ERAP1: variants seen among roughly 807,000 people sequenced by gnomAD.
ERAP1 encodes adipocyte-derived leucine aminopeptidase.
ERAP1 carries 86 observed loss-of-function variants against 103.7 expected under a neutral mutation model. The observed-to-expected ratio is 0.83, with a 90% CI of 0.70 to 0.99. The LOEUF (loss-of-function observed/expected upper bound fraction) is 0.99, where lower values mean the gene tolerates loss of function less well. Ranked by LOEUF, ERAP1 falls within the 50% of genes least tolerant of loss-of-function variation. The probability of loss-of-function intolerance (pLI) is 0.00; values close to 1 mark genes in which losing one functional copy is unlikely to be tolerated. For missense variants in ERAP1, 1,009 were observed against 1,128.4 expected, an observed-to-expected ratio of 0.89 and a Z score of 1.52; for synonymous variants, 398 against 402.4, an observed-to-expected ratio of 0.99 and a Z score of 0.13.
At position 96,775,212 on chromosome 5, in the gene ERAP1, TAAA is replaced by T. The variant is rs1252390860; in HGVS notation, c.*1181_*1183del. On this transcript the variant is annotated 3_prime_UTR_variant, in exon 19 of 19. Coordinates refer to ENST00000443439, the MANE Select transcript of ERAP1 (RefSeq NM_001040458.3). Reference sequence around the variant, plus strand: ...GCTTTCTATTATTATCATCTATACATAAAACCTGAGCAGCAACTGTGTGCTGAA... The same window carrying T: ...GCTTTCTATTATTATCATCTATACATACCTGAGCAGCAACTGTGTGCTGAA... 1.0e-6 allele frequency: 1 copy of T among 985,404 alleles called. No individual in the cohort carries two copies. The highest frequency in any genetic ancestry group is 1.1e-4 in the East Asian group (1 of 8,962). 61.0% of individuals were successfully genotyped at this position (985,404 alleles called of 1,614,324 possible).
chr5:96,934,641 T>C, the ERAP1 span: 1 of 152,226 alleles, frequency 6.6e-6, no homozygotes, highest in African/African-American at 2.4e-5. Context: ...AAATACAATA[T>C]TGTACTTCGA....
At chr5:96,800,250 A>G (rs1203215779) in intron 3 of ERAP1, among the ~76,000 whole-genome samples, 1 of 152,170 alleles carries the variant, frequency 6.6e-6, no homozygotes, top group Non-Finnish European at 1.5e-5. Flanking sequence ...TCTTCTAGTC[A>G]CTTTTAAAAA....
chr5:96,902,131 C>T, the ERAP1 span: 7 of 576,712 alleles, frequency 1.2e-5, no homozygotes, highest in East Asian at 2.8e-5. Flanking sequence ...TAGTCTTAGC[C>T]TATAAAATTT....
chr5:96,886,525 C>T, the ERAP1 span: 22 of 607,086 alleles, frequency 3.6e-5, no homozygotes, highest in Middle Eastern at 5.0e-4. Flanking sequence ...GAGGCCATTG[C>T]CCCCCTAGGA....
At chr5:96,896,438 T>A in the ERAP1 span, 836,682 of 1,612,288 alleles carry the variant, frequency 0.52, 218,450 homozygotes, top group Admixed American at 0.61. Context: ...CATCCCGCCC[T>A]ATCTCCAAAC....
the ERAP1 span, chr5:96,934,103 T>C: frequency 6.6e-6 from 1 of 152,308 alleles, no homozygotes; most frequent in Non-Finnish European, 1.5e-5. Flanking sequence ...CATGCAAAAA[T>C]TATTTATTGT....
the ERAP1 span, chr5:96,883,760 T>C: frequency 6.3e-7 from 1 of 1,591,474 alleles, no homozygotes; most frequent in East Asian, 2.3e-5. Context: ...ATTTCACTTG[T>C]GCATTTTGGC....
At chr5:96,767,610 T>C in intron 19 of ERAP1, 2 of 700,322 alleles carry the variant, frequency 2.9e-6, no homozygotes, top group South Asian at 3.6e-5. Context: ...AAAGCATGCA[T>C]ATAAATGTGT....
downstream of ERAP1, chr5:96,772,643 T>C (rs931261474): frequency 2.0e-5 from 3 of 152,760 alleles, no homozygotes; most frequent in African/African-American, 7.2e-5. Flanking sequence ...TTTTAAGGTA[T>C]CTGCATGTAA....
chr5:96,848,204 A>G, the ERAP1 span, among the ~76,000 whole-genome samples: 1 of 152,092 alleles, frequency 6.6e-6, no homozygotes, highest in Non-Finnish European at 1.5e-5. Flanking sequence ...GTGCACTACC[A>G]CACCTGTCTA....
chr5:96,916,764 T>TC, the ERAP1 span, among the ~76,000 whole-genome samples: 2 of 100,004 alleles, frequency 2.0e-5, no homozygotes, highest in Non-Finnish European at 4.3e-5. Context: ...CACCAGCCTA[T>TC]CTTTTTTTTT....
At chr5:96,868,461 C>T in the ERAP1 span, among the ~76,000 whole-genome samples, 1 of 152,182 alleles carries the variant, frequency 6.6e-6, no homozygotes, top group African/African-American at 2.4e-5. Context: ...TTCATTCTCA[C>T]AACAGCCCTA....
At chr5:96,884,076 ATC>A in the ERAP1 span, 1 of 604,768 alleles carries the variant, frequency 1.7e-6, no homozygotes, top group Non-Finnish European at 2.7e-6. Flanking sequence ...CTATCTATCT[ATC>A]TATCATCATA....
the ERAP1 span, chr5:96,879,506 T>C: frequency 1.8e-6 from 1 of 570,558 alleles, no homozygotes; most frequent in East Asian, 2.8e-5. Context: ...ATGTTTAAGA[T>C]TTTATTTGTA....
the ERAP1 span, among the ~76,000 whole-genome samples, chr5:96,822,768 G>A: frequency 6.6e-6 from 1 of 152,130 alleles, no homozygotes; most frequent in African/African-American, 2.4e-5. Flanking sequence ...CAATTTACTG[G>A]GCAGGCATTA....
the ERAP1 span, among the ~76,000 whole-genome samples, chr5:96,854,834 G>T: frequency 6.6e-6 from 1 of 152,116 alleles, no homozygotes; most frequent in Admixed American, 6.5e-5. Context: ...ATAGAAAGAA[G>T]TTTAACCAAA....
the ERAP1 span, among the ~76,000 whole-genome samples, chr5:96,862,733 T>A: frequency 6.6e-6 from 1 of 152,344 alleles, no homozygotes; most frequent in Non-Finnish European, 1.5e-5. Flanking sequence ...GCAGCCACCA[T>A]GATTGCCTAG....
chr5:96,896,297 C>A, the ERAP1 span: 1 of 1,201,600 alleles, frequency 8.3e-7, no homozygotes, highest in Non-Finnish European at 1.2e-6. Flanking sequence ...GAACATCTTA[C>A]TAAACCTACT....
At chr5:96,857,129 G>C in the ERAP1 span, among the ~76,000 whole-genome samples, 1 of 152,154 alleles carries the variant, frequency 6.6e-6, no homozygotes, top group Non-Finnish European at 1.5e-5. Flanking sequence ...TCTTTGCTTA[G>C]GATGTGACCT....
Sources: gnomAD v4.1 joint callset for allele counts (sites outside exome capture counted in the v4.1 genomes callset) on GRCh38, gnomAD v4.1.1 for gene constraint, MANE v1.5 for transcripts, NCBI Gene and HGNC (gene_info 2026-07-23, HGNC 2026-07-21) for gene names.